Variants in TNR observed in about 807,000 individuals in gnomAD.
TNR encodes the protein tenascin R, also known as tenascin-R.
A neutral mutation model predicts 150.4 loss-of-function variants in TNR; 45 were observed. The ratio of observed to expected loss-of-function variants is 0.30; its 90% confidence interval spans 0.24 to 0.38. The LOEUF (loss-of-function observed/expected upper bound fraction) is 0.38, where lower values mean the gene tolerates loss of function less well. Ranked by LOEUF, TNR falls within the 10% of genes least tolerant of loss-of-function variation. TNR has a pLI of 1.00. For missense variants in TNR, 1,544 were observed against 1,759.1 expected (o/e 0.88, Z 2.19); for synonymous variants, 687 against 678.4 (o/e 1.01, Z -0.20).
intron 1 of TNR, among the ~76,000 whole-genome samples, chr1:175,581,389 A>G (rs1662341763): frequency 6.6e-6 from 1 of 152,214 alleles, no homozygotes; most frequent in Non-Finnish European, 1.5e-5. Context: ...TTGGCAAAGA[A>G]ACGGAGGTCC....
intron 1 of TNR, among the ~76,000 whole-genome samples, chr1:175,548,665 T>TA (rs3032580): frequency 0.17 from 24,175 of 146,114 alleles, 2,070 homozygotes; most frequent in African/African-American, 0.2. Flanking sequence ...TAAGCAAAAT[T>TA]AAAAAAAAAA....
intron 2 of TNR, among the ~76,000 whole-genome samples, chr1:175,487,938 G>A (rs1173327117): frequency 6.6e-6 from 1 of 152,216 alleles, no homozygotes; most frequent in East Asian, 1.9e-4. Flanking sequence ...GACACAGGGT[G>A]TGTGCAGGAG....
At chr1:175,529,866 GA>G (rs1367857079) in intron 1 of TNR, among the ~76,000 whole-genome samples, 3 of 152,040 alleles carry the variant, frequency 2.0e-5, no homozygotes, top group African/African-American at 7.2e-5. Flanking sequence ...CAAAAGTCAT[GA>G]AAAAAATTAT....
chr1:175,579,165 T>TTTCCTCCC (rs1553242567), intron 1 of TNR, among the ~76,000 whole-genome samples: 2 of 134,380 alleles, frequency 1.5e-5, no homozygotes, highest in Non-Finnish European at 3.2e-5. Context: ...TCGTTCCTTC[T>TTTCCTCCC]TTCCTTCCTT....
intron 21 of TNR, among the ~76,000 whole-genome samples, 171 bp from the exon 22 acceptor site, chr1:175,324,690 G>A (rs1649267017): frequency 6.6e-6 from 1 of 152,004 alleles, no homozygotes; most frequent in Non-Finnish European, 1.5e-5. Flanking sequence ...TTACCCCTGG[G>A]GCCAACCACT....
At chr1:175,678,630 G>A (rs914430951) in intron 1 of TNR, among the ~76,000 whole-genome samples, 4 of 152,186 alleles carry the variant, frequency 2.6e-5, no homozygotes, top group African/African-American at 9.7e-5. Flanking sequence ...TCTGGGAGTA[G>A]GCTAGCTTGC....
intron 9 of TNR, among the ~76,000 whole-genome samples, chr1:175,378,049 C>T (rs1396311286): frequency 1.3e-5 from 2 of 152,204 alleles, no homozygotes; most frequent in African/African-American, 4.8e-5. Flanking sequence ...ACCGAGGACA[C>T]TGCCTTAGTC....
At chr1:175,659,609 G>T (rs970564452) in intron 1 of TNR, among the ~76,000 whole-genome samples, 2 of 152,154 alleles carry the variant, frequency 1.3e-5, no homozygotes, top group Admixed American at 1.3e-4. Flanking sequence ...AGGAGCCCAG[G>T]ACTTTATCAA....
intron 7 of TNR, among the ~76,000 whole-genome samples, chr1:175,390,526 G>C (rs2102034303): frequency 6.6e-6 from 1 of 152,264 alleles, no homozygotes; most frequent in South Asian, 2.1e-4. Flanking sequence ...CTAATTTACA[G>C]CATTGAAGTT....
chr1:175,346,974 G>C (rs986312499), intron 18 of TNR, among the ~76,000 whole-genome samples: 26 of 151,464 alleles, frequency 1.7e-4, no homozygotes, highest in Admixed American at 1.6e-3. Flanking sequence ...AGTGAGATTA[G>C]TGAACATGGA....
intron 1 of TNR, among the ~76,000 whole-genome samples, chr1:175,703,710 T>C (rs1666766856): frequency 6.6e-6 from 1 of 152,142 alleles, no homozygotes; most frequent in African/African-American, 2.4e-5. Flanking sequence ...AGATGACCAA[T>C]AAACATATGA....
chr1:175,713,574 T>C (rs538076924), intron 1 of TNR, among the ~76,000 whole-genome samples: 3 of 152,346 alleles, frequency 2.0e-5, no homozygotes, highest in East Asian at 3.9e-4. Context: ...TGTTTCAACA[T>C]GAATTATGCT....
At chr1:175,361,757 C>A (rs1651596384) in intron 14 of TNR, among the ~76,000 whole-genome samples, 1 of 152,184 alleles carries the variant, frequency 6.6e-6, no homozygotes, top group Non-Finnish European at 1.5e-5. Context: ...GGAATGATGG[C>A]TTAACTAGGA....
intron 1 of TNR, among the ~76,000 whole-genome samples, chr1:175,561,789 C>T (rs1661438233): frequency 6.6e-6 from 1 of 152,230 alleles, no homozygotes; most frequent in East Asian, 1.9e-4. Context: ...AGAGCTGGGA[C>T]TTTTCTATAA....
intron 1 of TNR, among the ~76,000 whole-genome samples, chr1:175,605,000 G>T (rs1206572971): frequency 6.6e-6 from 1 of 152,186 alleles, no homozygotes; most frequent in Non-Finnish European, 1.5e-5. Flanking sequence ...TAATGAATTG[G>T]CTTGAAGCTC....
At chr1:175,477,405 G>C (rs762807018) in intron 2 of TNR, among the ~76,000 whole-genome samples, 2 of 152,192 alleles carry the variant, frequency 1.3e-5, no homozygotes, top group African/African-American at 4.8e-5. Context: ...CACGTGGAGA[G>C]CTGTGCTTTT....
intron 20 of TNR, among the ~76,000 whole-genome samples, chr1:175,333,899 A>C (rs984079205): frequency 3.9e-5 from 6 of 152,350 alleles, no homozygotes; most frequent in African/African-American, 1.4e-4. Context: ...AAAGGAGGAC[A>C]GTTGGCTAGG....
intron 1 of TNR, among the ~76,000 whole-genome samples, chr1:175,540,537 TAC>T (rs1660461633): frequency 6.6e-6 from 1 of 152,196 alleles, no homozygotes; most frequent in Non-Finnish European, 1.5e-5. Context: ...CAGTCTCAGC[TAC>T]AGATAGCCCT....
chr1:175,449,646 A>G (rs1656218657), intron 2 of TNR, among the ~76,000 whole-genome samples: 1 of 149,264 alleles, frequency 6.7e-6, no homozygotes, highest in Non-Finnish European at 1.5e-5. Flanking sequence ...ATGAAGCTAC[A>G]AGGAAATACT....
Sources: allele counts gnomAD v4.1 joint callset (sites outside exome capture counted in the v4.1 genomes callset), GRCh38; gene constraint gnomAD v4.1.1; transcripts MANE v1.5; gene names NCBI Gene and HGNC (gene_info 2026-07-23, HGNC 2026-07-21).